The following TES variants were observed in gnomAD, a reference collection of about 807,000 sequenced individuals.
TES encodes the protein testin LIM domain protein.
A neutral mutation model predicts 48.2 loss-of-function variants in TES; 41 were observed. The observed-to-expected ratio is 0.85, with a 90% CI of 0.66 to 1.10. The LOEUF (loss-of-function observed/expected upper bound fraction) is 1.10, where lower values mean the gene tolerates loss of function less well. Among genes scored for constraint, TES ranks in the 50% least tolerant of loss-of-function variants. The pLI is 0.00. For synonymous variants in TES, 162 were observed against 174.9 expected, an observed-to-expected ratio of 0.93 and a Z score of 0.58; for missense variants, 463 against 515.1, an observed-to-expected ratio of 0.90 and a Z score of 0.98.
intron 2 of TES, among the ~76,000 whole-genome samples, chr7:116,240,073 GA>G (rs981105803): frequency 6.6e-6 from 1 of 152,178 alleles, no homozygotes; most frequent in African/African-American, 2.4e-5. Flanking sequence ...AGAGCTGGGT[GA>G]AAACTAAAAA....
intron 6 of TES, 124 bp downstream of exon 6, chr7:116,252,600 C>T: frequency 1.5e-6 from 2 of 1,338,284 alleles, no homozygotes; most frequent in Non-Finnish European, 2.1e-6. Flanking sequence ...GCAAATTATT[C>T]CTACCACAGG....
chr7:116,212,016 CT>C (rs1357532542), intron 1 of TES, among the ~76,000 whole-genome samples: 2 of 152,074 alleles, frequency 1.3e-5, no homozygotes, highest in African/African-American at 2.4e-5. Context: ...TGGTTTCTTT[CT>C]TTTTTTCTTT....
intron 1 of TES, among the ~76,000 whole-genome samples, chr7:116,211,781 T>G (rs1282858730): frequency 6.8e-6 from 1 of 148,070 alleles, no homozygotes; most frequent in Non-Finnish European, 1.5e-5. Flanking sequence ...GAGCATTAAT[T>G]CTATTTTATG....
chr7:116,245,868 T>A (rs1799916939), intron 2 of TES, among the ~76,000 whole-genome samples: 1 of 152,126 alleles, frequency 6.6e-6, no homozygotes, highest in Non-Finnish European at 1.5e-5. Flanking sequence ...AGCAAACATG[T>A]TCTTTACATT....
At chr7:116,217,851 C>T in intron 1 of TES, 1 of 516,230 alleles carries the variant, frequency 1.9e-6, no homozygotes, top group Non-Finnish European at 3.9e-6. Flanking sequence ...ATGGTTTTGT[C>T]AATTTTCAGT....
rs568870256 is a variant in TES, at chr7:116,215,964, C to G, written c.27+5230C>G. 2.4e-4 allele frequency among the ~76,000 whole-genome samples: 36 copies of G among 152,224 alleles called. No individual in the cohort carries two copies. In the South Asian group the frequency reaches 7.5e-3, roughly 32 times the overall value. On this transcript the variant is annotated intron_variant, in intron 1 of 6. Coordinates refer to ENST00000358204, the MANE Select transcript of TES (RefSeq NM_015641.4). Reference sequence around the variant, plus strand: ...TAATTTCCCATTCTTCATGCAAAAACATTTCTTATGAAGCTGAGAAGCTGT... The same window carrying G: ...TAATTTCCCATTCTTCATGCAAAAAGATTTCTTATGAAGCTGAGAAGCTGT...
intron 2 of TES, among the ~76,000 whole-genome samples, chr7:116,240,987 T>G: frequency 6.6e-6 from 1 of 152,194 alleles, no homozygotes; most frequent in Non-Finnish European, 1.5e-5. Context: ...GTTTGTGTTT[T>G]TGTTTTAGGT....
At chr7:116,244,874 G>A (rs565772925) in intron 2 of TES, among the ~76,000 whole-genome samples, 25 of 152,316 alleles carry the variant, frequency 1.6e-4, no homozygotes, top group South Asian at 4.1e-4. Context: ...GACCAACACC[G>A]TATGGAAGCT....
chr7:116,243,841 C>T (rs1363708719), intron 2 of TES: 1 of 152,218 alleles, frequency 6.6e-6, no homozygotes, highest in Non-Finnish European at 1.5e-5. Context: ...AATTGACTCA[C>T]AGTTCAGCAT....
At chr7:116,221,631 A>T (rs1799558718) in intron 1 of TES, among the ~76,000 whole-genome samples, 2 of 152,286 alleles carry the variant, frequency 1.3e-5, no homozygotes, top group South Asian at 4.1e-4. Flanking sequence ...CTGTGGAAGG[A>T]GTCTTACAGA....
chr7:116,210,813 G>A, intron 1 of TES, 79 bp downstream of exon 1: 2 of 1,194,256 alleles, frequency 1.7e-6, no homozygotes, highest in Non-Finnish European at 2.1e-6. Flanking sequence ...AGGTGCCGAG[G>A]TGGGTGGGGC....
At chr7:116,213,494 A>G (rs1328820604) in intron 1 of TES, among the ~76,000 whole-genome samples, 1 of 152,190 alleles carries the variant, frequency 6.6e-6, no homozygotes, top group Non-Finnish European at 1.5e-5. Context: ...ATTAAGGAGG[A>G]CTGTCTTTAT....
chr7:116,229,497 G>A (rs777054423), intron 1 of TES, among the ~76,000 whole-genome samples: 7 of 152,092 alleles, frequency 4.6e-5, no homozygotes, highest in African/African-American at 7.2e-5. Context: ...TAGAGTAGAT[G>A]GGGTTCCAAA....
chr7:116,226,182 A>G (rs1413205934), intron 1 of TES, among the ~76,000 whole-genome samples: 1 of 152,202 alleles, frequency 6.6e-6, no homozygotes, highest in Non-Finnish European at 1.5e-5. Context: ...AAAACAATTA[A>G]ATAAATAAAA....
intron 1 of TES, among the ~76,000 whole-genome samples, chr7:116,222,247 A>G (rs1584611329): frequency 6.6e-6 from 1 of 152,082 alleles, no homozygotes; most frequent in African/African-American, 2.4e-5. Flanking sequence ...TGTGAATGCT[A>G]ATTTGGGGCA....
At chr7:116,240,020 A>G (rs1269051025) in intron 2 of TES, among the ~76,000 whole-genome samples, 1 of 152,210 alleles carries the variant, frequency 6.6e-6, no homozygotes, top group African/African-American at 2.4e-5. Context: ...AAAATGCGTT[A>G]CTTGATTATA....
intron 4 of TES, among the ~76,000 whole-genome samples, chr7:116,251,259 A>C (rs777107296): frequency 5.9e-5 from 9 of 152,256 alleles, no homozygotes; most frequent in South Asian, 2.1e-4. Context: ...AATAGCCGGG[A>C]GAAAGCTGAG....
At chr7:116,223,571 G>A (rs546387258) in intron 1 of TES, among the ~76,000 whole-genome samples, 15 of 152,238 alleles carry the variant, frequency 9.9e-5, no homozygotes, top group African/African-American at 3.6e-4. Context: ...ACCCAAGTGT[G>A]TGTAACTATA....
rs139793078 is a variant in TES at position 116,227,446 on chromosome 7, A to G, written c.28-7088A>G. The stretch of plus-strand genomic sequence containing the variant: ...CAACCTACACTTTTTTGGTAATGCA[A>G]ATCTTGTTAGAGATTTGGAAACAGG... On this transcript the variant is annotated intron_variant, in intron 1 of 6. Transcript: ENST00000358204. Among the ~76,000 whole-genome samples the G allele has an allele frequency of 1.2e-3, 181 of 152,180 alleles. 1 individual carries two copies. The highest frequency in any genetic ancestry group is 4.1e-3 in the African/African-American group (172 of 41,520).
Sources: allele counts gnomAD v4.1 joint callset (sites outside exome capture counted in the v4.1 genomes callset), GRCh38; gene constraint gnomAD v4.1.1; transcripts MANE v1.5; gene names NCBI Gene and HGNC (gene_info 2026-07-23, HGNC 2026-07-21).